PGGT1B: variants seen among roughly 807,000 people sequenced by gnomAD.
PGGT1B encodes protein geranylgeranyltransferase type I subunit beta, also known as geranylgeranyl transferase type-1 subunit beta.
A neutral mutation model predicts 46.1 loss-of-function variants in PGGT1B; 30 were observed. The ratio of observed to expected loss-of-function variants is 0.65; its 90% CI spans 0.49 to 0.88. The LOEUF (loss-of-function observed/expected upper bound fraction) is 0.88, where lower values mean the gene tolerates loss of function less well. PGGT1B is among the 40% of genes least tolerant of loss of function. PGGT1B has a pLI of 0.00. For missense variants in PGGT1B, 376 were observed against 455.9 expected, an observed-to-expected ratio of 0.82 and a Z score of 1.60; for synonymous variants, 170 against 160.0, an observed-to-expected ratio of 1.06 and a Z score of -0.47.
chr5:115,244,643 C>G (rs3111172), intron 2 of PGGT1B, among the ~76,000 whole-genome samples: 111,522 of 151,694 alleles, frequency 0.74, 42,245 homozygotes, highest in African/African-American at 0.93. Context: ...CCAGGCTGGA[C>G]TGCAGGGGCA....
intron 2 of PGGT1B, among the ~76,000 whole-genome samples, chr5:115,247,690 A>T (rs1747914179): frequency 6.6e-6 from 1 of 152,208 alleles, no homozygotes; most frequent in Non-Finnish European, 1.5e-5. Context: ...AAAAAATTTT[A>T]AATATACCTA....
chr5:115,221,224 A>T lies in PGGT1B; in HGVS notation c.843+600T>A, dbSNP rs576811873. ...GGCAGAATATCAGAACAAGGTAACA[A>T]TTCTTAAAGATGAAAAGGCAACTTT... On this transcript the variant is annotated intron_variant, in intron 7 of 8. Coordinates refer to ENST00000419445, the MANE Select transcript of PGGT1B (RefSeq NM_005023.4). Among the ~76,000 whole-genome samples, 44 of 152,160 alleles carry T rather than the reference A, an allele frequency of 2.9e-4. 1 individual carries two copies. The South Asian group carries it at 6.6e-3, about 23-fold the overall frequency.
At chr5:115,253,576 C>T (rs553023301) in intron 1 of PGGT1B, among the ~76,000 whole-genome samples, 9 of 151,992 alleles carry the variant, frequency 5.9e-5, no homozygotes, top group African/African-American at 2.2e-4. Flanking sequence ...TTCTCTACAA[C>T]TAATCAGTAC....
chr5:115,213,069 A>G (rs1388251548), intron 8 of PGGT1B, among the ~76,000 whole-genome samples: 3 of 152,270 alleles, frequency 2.0e-5, no homozygotes, highest in African/African-American at 7.2e-5. Flanking sequence ...CATATGCAGT[A>G]CTATCCTAAC....
chr5:115,221,155 T>A (rs538552246), intron 7 of PGGT1B, among the ~76,000 whole-genome samples: 1 of 152,118 alleles, frequency 6.6e-6, no homozygotes, highest in Non-Finnish European at 1.5e-5. Flanking sequence ...TAGGATATTA[T>A]GGAGAAGACA....
intron 4 of PGGT1B, among the ~76,000 whole-genome samples, chr5:115,237,241 TGG>T (rs1352260192): frequency 6.6e-6 from 1 of 152,198 alleles, no homozygotes; most frequent in Non-Finnish European, 1.5e-5. Context: ...TATTAGTAGA[TGG>T]AGCACAAAGA....
chr5:115,256,015 G>T (rs1233240219), intron 1 of PGGT1B, among the ~76,000 whole-genome samples: 1 of 152,092 alleles, frequency 6.6e-6, no homozygotes, highest in Non-Finnish European at 1.5e-5. Context: ...TGTAAGGTGG[G>T]GTCTGGGCCC....
intron 2 of PGGT1B, among the ~76,000 whole-genome samples, chr5:115,247,686 T>A (rs1047707466): frequency 1.0e-3 from 158 of 151,946 alleles, no homozygotes; most frequent in Non-Finnish European, 1.9e-3. Context: ...AAAAAAAAAA[T>A]TTTAAATATA....
chr5:115,246,005 T>C (rs1747817034), intron 2 of PGGT1B, among the ~76,000 whole-genome samples: 1 of 152,212 alleles, frequency 6.6e-6, no homozygotes, highest in Non-Finnish European at 1.5e-5. Flanking sequence ...ACTTAAATCC[T>C]AATGTTTTAA....
intron 7 of PGGT1B, among the ~76,000 whole-genome samples, chr5:115,219,783 T>G (rs1034474381): frequency 6.6e-6 from 1 of 151,766 alleles, no homozygotes; most frequent in South Asian, 2.1e-4. Context: ...AGGGTTTGAA[T>G]AGATATATCT....
chr5:115,204,026 CTGAG>C lies in PGGT1B; in HGVS notation c.*8372_*8375del, dbSNP rs1377213677. 3.0e-4 allele frequency: 45 copies of C among 152,170 alleles called. No individual in the cohort carries two copies. Among genetic ancestry groups the C allele is most frequent in the African/African-American group, 1.1e-3 (44 of 41,504 alleles). 9.4% of individuals were successfully genotyped at this position (152,170 alleles called of 1,614,324 possible). On this transcript the variant is annotated 3_prime_UTR_variant, in exon 9 of 9. Coordinates refer to ENST00000419445, the MANE Select transcript of PGGT1B (RefSeq NM_005023.4). ...TTGAGAAAACGTTTTCTTTGCATAT[CTGAG>C]TATTTATTATGTTTTCGATCCAGCT...
At chr5:115,223,649 G>A (rs954215353) in intron 6 of PGGT1B, among the ~76,000 whole-genome samples, 5 of 152,112 alleles carry the variant, frequency 3.3e-5, no homozygotes, top group South Asian at 2.1e-4. Flanking sequence ...AGCTCTGGCC[G>A]GAAATGGAGA....
chr5:115,213,526 T>C (rs1756308387), intron 8 of PGGT1B, among the ~76,000 whole-genome samples: 1 of 152,186 alleles, frequency 6.6e-6, no homozygotes, highest in African/African-American at 2.4e-5. Flanking sequence ...ATCCCAGCAC[T>C]TTGGGAGGCC....
At chr5:115,225,900 C>A (rs886312522) in intron 6 of PGGT1B, among the ~76,000 whole-genome samples, 2 of 151,984 alleles carry the variant, frequency 1.3e-5, no homozygotes, top group African/African-American at 2.4e-5. Flanking sequence ...CCACCCACAT[C>A]GGCCTCCCAA....
chr5:115,214,245 T>C (rs1414850810), intron 8 of PGGT1B, among the ~76,000 whole-genome samples: 1 of 152,136 alleles, frequency 6.6e-6, no homozygotes, highest in African/African-American at 2.4e-5. Context: ...CTCAAAAAGA[T>C]TTTTGTAACA....
intron 1 of PGGT1B, among the ~76,000 whole-genome samples, chr5:115,253,574 A>T (rs1450251140): frequency 1.3e-5 from 2 of 151,970 alleles, no homozygotes; most frequent in African/African-American, 4.8e-5. Flanking sequence ...GATTCTCTAC[A>T]ACTAATCAGT....
rs1756598303 is a variant in PGGT1B at position 115,221,839 on chromosome 5, C to T, written c.828G>A (p.Val276=). 1.9e-6 allele frequency: 3 copies of T among 1,584,882 alleles called. No homozygotes were observed. The highest frequency in any genetic ancestry group is 4.5e-5 in the East Asian group (2 of 43,970). ...TTTCTCTTACCTTCAGAGTTGCTCC[C>T]ACCCAAAAAGAATAACAGGTGTCTA... The part of the protein sequence containing the change: ...KPVDTCYSFW[V]GATLKLLKIF... The change falls in exon 7 of 9, where the codon GTG becomes GTA. Residue 276 remains valine (V), a synonymous_variant. Coordinates refer to ENST00000419445, the MANE Select transcript of PGGT1B (RefSeq NM_005023.4).
At chr5:115,257,409 G>A (rs1202312927) in intron 1 of PGGT1B, among the ~76,000 whole-genome samples, 3 of 151,752 alleles carry the variant, frequency 2.0e-5, no homozygotes, top group Admixed American at 6.6e-5. Flanking sequence ...AGCTACTAGG[G>A]AGGCTGAGGC....
At position 115,236,580 on chromosome 5, in the gene PGGT1B, A is replaced by G. The variant is rs1029787189; in HGVS notation, c.480-58T>C. ...TAACACTGGACTCTGATTTTTTTGCATGGGGGTTAGAAACACCTCCTGCTT... is the reference window on the plus strand; with the variant it reads ...TAACACTGGACTCTGATTTTTTTGCGTGGGGGTTAGAAACACCTCCTGCTT... On this transcript the variant is annotated intron_variant, in intron 4 of 8. Transcript: ENST00000419445. 34 of 1,260,534 alleles carry G rather than the reference A, an allele frequency of 2.7e-5. 1 individual carries two copies. The highest frequency in any genetic ancestry group is 8.7e-5 in the Admixed American group (3 of 34,558). 78.1% of individuals were successfully genotyped at this position (1,260,534 alleles called of 1,614,324 possible). A position where few individuals can be genotyped will look rare whatever the true frequency, so the allele number is the denominator to read the frequency against.
Sources: gnomAD v4.1 joint callset for allele counts (sites outside exome capture counted in the v4.1 genomes callset) on GRCh38, gnomAD v4.1.1 for gene constraint, MANE v1.5 for transcripts, NCBI Gene and HGNC (gene_info 2026-07-23, HGNC 2026-07-21) for gene names.